PLCXD3: variants seen among roughly 807,000 people sequenced by gnomAD.
PLCXD3 encodes the protein phosphatidylinositol specific phospholipase C X domain containing 3, also known as PI-PLC X domain-containing protein 3.
A neutral mutation model predicts 25.5 loss-of-function variants in PLCXD3; 19 were observed. The ratio of observed to expected loss-of-function variants is 0.75; its 90% CI spans 0.52 to 1.09. PLCXD3 has a LOEUF of 1.09. Ranked by LOEUF, PLCXD3 falls within the 50% of genes least tolerant of loss-of-function variation. The probability of loss-of-function intolerance (pLI) is 0.00; values close to 1 mark genes in which losing one functional copy is unlikely to be tolerated. For missense variants in PLCXD3, 411 were observed against 388.1 expected (o/e 1.06, Z -0.50); for synonymous variants, 174 against 137.6 (o/e 1.26, Z -1.85).
chr5:41,354,063 G>A (rs992528151), intron 2 of PLCXD3, among the ~76,000 whole-genome samples: 1 of 152,074 alleles, frequency 6.6e-6, no homozygotes, highest in South Asian at 2.1e-4. Context: ...TAGCCCCACA[G>A]CTTTTTTGCA....
At chr5:41,393,126 AG>A (rs1295627244) in intron 1 of PLCXD3, among the ~76,000 whole-genome samples, 1 of 152,204 alleles carries the variant, frequency 6.6e-6, no homozygotes, top group East Asian at 1.9e-4. Flanking sequence ...AAGTGGAAAA[AG>A]TCATAGGGGT....
At chr5:41,480,874 C>T (rs1748395557) in intron 1 of PLCXD3, among the ~76,000 whole-genome samples, 1 of 152,054 alleles carries the variant, frequency 6.6e-6, no homozygotes, top group African/African-American at 2.4e-5. Context: ...CACACCACTG[C>T]ACTCCAGCCT....
chr5:41,495,597 A>G (rs1239101492), intron 1 of PLCXD3, among the ~76,000 whole-genome samples: 1 of 152,238 alleles, frequency 6.6e-6, no homozygotes, highest in Admixed American at 6.5e-5. Flanking sequence ...GAGGACTCAC[A>G]GTACAGCAGT....
chr5:41,438,802 G>GAAAAAAAAAAAA (rs35050344), intron 1 of PLCXD3, among the ~76,000 whole-genome samples: 1 of 133,764 alleles, frequency 7.5e-6, no homozygotes, highest in Non-Finnish European at 1.6e-5. Flanking sequence ...CTGTCATTAG[G>GAAAAAAAAAAAA]AAAAAAAAAA....
At chr5:41,377,852 A>T (rs1234785513) in intron 2 of PLCXD3, among the ~76,000 whole-genome samples, 1 of 152,102 alleles carries the variant, frequency 6.6e-6, no homozygotes. Context: ...GGATCTTGGA[A>T]CTGTAGGATT....
intron 1 of PLCXD3, among the ~76,000 whole-genome samples, chr5:41,459,270 T>C (rs1305554175): frequency 1.3e-5 from 2 of 151,842 alleles, no homozygotes; most frequent in African/African-American, 2.4e-5. Flanking sequence ...ATAAATGTCA[T>C]TCAGGCTAGA....
intron 1 of PLCXD3, among the ~76,000 whole-genome samples, chr5:41,402,579 C>T (rs1280374980): frequency 4.6e-5 from 7 of 151,606 alleles, no homozygotes; most frequent in Non-Finnish European, 8.8e-5. Context: ...ATTAGGTTAA[C>T]CTGGTTGATA....
At chr5:41,403,153 C>G (rs1437410974) in intron 1 of PLCXD3, among the ~76,000 whole-genome samples, 15 of 151,850 alleles carry the variant, frequency 9.9e-5, no homozygotes, top group Admixed American at 9.9e-4. Flanking sequence ...TAGCTAGACT[C>G]TCTACCTTTG....
intron 1 of PLCXD3, among the ~76,000 whole-genome samples, chr5:41,436,784 C>T (rs1747264507): frequency 6.6e-6 from 1 of 152,180 alleles, no homozygotes; most frequent in Non-Finnish European, 1.5e-5. Flanking sequence ...AAACCTACTT[C>T]AGAATAGGTT....
In PLCXD3 at chr5:41,461,482, A is replaced by G. The variant is rs113282761; in HGVS notation, c.103+48942T>C. 4.6e-3 allele frequency among the ~76,000 whole-genome samples: 700 copies of G among 152,096 alleles called. 2 individuals are homozygous for G. Among genetic ancestry groups the G allele is most frequent in the African/African-American group, 0.016 (646 of 41,520 alleles). ...TTGGAATTTTATTTTTCTCTCCTCC[A>G]TAAAGTGTGCTACAAAACCATGGTG... On this transcript the variant is annotated intron_variant, in intron 1 of 2. Transcript: ENST00000377801.
At chr5:41,315,330 G>T (rs977223141) in intron 2 of PLCXD3, among the ~76,000 whole-genome samples, 3 of 151,332 alleles carry the variant, frequency 2.0e-5, no homozygotes, top group Non-Finnish European at 2.9e-5. Context: ...GAGAGGGAGA[G>T]AAAAGGGAAG....
intron 1 of PLCXD3, among the ~76,000 whole-genome samples, chr5:41,440,685 C>T (rs756964223): frequency 1.3e-5 from 2 of 152,046 alleles, no homozygotes; most frequent in Admixed American, 6.6e-5. Context: ...TGGGTGTTAG[C>T]TATTATGATT....
chr5:41,397,252 C>A lies in PLCXD3; in HGVS notation c.104-14718G>T, dbSNP rs985850. Among the ~76,000 whole-genome samples the A allele has an allele frequency of 2.2e-3, 328 of 152,266 alleles. 1 individual carries two copies. Among genetic ancestry groups the A allele is most frequent in the African/African-American group, 7.5e-3 (311 of 41,562 alleles). ...TTCCTGGGCCAGGCACAGGGCCTTG[C>A]TGCTCTGTGTAGTATTGGGACCTGG... On this transcript the variant is annotated intron_variant, in intron 1 of 2. Transcript: ENST00000377801.
intron 2 of PLCXD3, among the ~76,000 whole-genome samples, chr5:41,324,062 G>A (rs1369500228): frequency 6.6e-6 from 1 of 152,116 alleles, no homozygotes; most frequent in Non-Finnish European, 1.5e-5. Flanking sequence ...ACGTGGATAA[G>A]ATCACTTAGA....
intron 1 of PLCXD3, among the ~76,000 whole-genome samples, chr5:41,445,294 G>A (rs1487930836): frequency 6.6e-6 from 1 of 152,136 alleles, no homozygotes; most frequent in Non-Finnish European, 1.5e-5. Flanking sequence ...CAGTGCTCAG[G>A]TTCTCTCATT....
chr5:41,465,943 A>C lies in PLCXD3; in HGVS notation c.103+44481T>G, dbSNP rs186544927. ...TTCTTAACTCACAAAACAAGATCTTAGCTAAGAAAAGAAACTATCTAATTA... is the reference window on the plus strand; with the variant it reads ...TTCTTAACTCACAAAACAAGATCTTCGCTAAGAAAAGAAACTATCTAATTA... On this transcript the variant is annotated intron_variant, in intron 1 of 2. Transcript: ENST00000377801. Among the ~76,000 whole-genome samples, 3 of 152,256 alleles carry C rather than the reference A, an allele frequency of 2.0e-5. No homozygotes were observed. The East Asian group carries it at 5.8e-4, about 30-fold the overall frequency.
intron 1 of PLCXD3, among the ~76,000 whole-genome samples, chr5:41,386,669 A>G (rs1745645415): frequency 6.6e-6 from 1 of 152,134 alleles, no homozygotes; most frequent in Admixed American, 6.6e-5. Context: ...AAAAGAGACA[A>G]CAAGCAGCAA....
At chr5:41,478,964 C>T (rs572936448) in intron 1 of PLCXD3, among the ~76,000 whole-genome samples, 1 of 152,176 alleles carries the variant, frequency 6.6e-6, no homozygotes, top group Admixed American at 6.5e-5. Flanking sequence ...ATGAGAACAG[C>T]AAGGGGGAAG....
At chr5:41,317,637 G>T (rs984452695) in intron 2 of PLCXD3, among the ~76,000 whole-genome samples, 14 of 151,982 alleles carry the variant, frequency 9.2e-5, no homozygotes, top group Admixed American at 8.5e-4. Context: ...AAGGAATTCA[G>T]AATTCTATCA....
Sources: gnomAD v4.1 joint callset for allele counts (sites outside exome capture counted in the v4.1 genomes callset) on GRCh38, gnomAD v4.1.1 for gene constraint, MANE v1.5 for transcripts, NCBI Gene and HGNC (gene_info 2026-07-23, HGNC 2026-07-21) for gene names.